The following THUMPD2 variants were observed in gnomAD, a reference collection of about 807,000 sequenced individuals.
The protein encoded by THUMPD2 is U6 snRNA (guanine-N(2))-methyltransferase THUMPD2.
A neutral mutation model predicts 49.4 loss-of-function variants in THUMPD2; 56 were observed. The ratio of observed to expected loss-of-function variants is 1.13; its 90% CI spans 0.91 to 1.41. The LOEUF (loss-of-function observed/expected upper bound fraction) is 1.41. THUMPD2 is among the 40% of genes most tolerant of loss of function. The probability of loss-of-function intolerance (pLI) is 0.00; values close to 1 mark genes in which losing one functional copy is unlikely to be tolerated. For synonymous variants in THUMPD2, 237 were observed against 205.2 expected (o/e 1.15, Z -1.32); for missense variants, 709 against 594.5 (o/e 1.19, Z -2.00).
At chr2:39,770,183 A>G in intron 2 of THUMPD2, 64 bp from the exon 3 acceptor site, 3 of 1,136,276 alleles carry the variant, frequency 2.6e-6, no homozygotes, top group Non-Finnish European at 3.5e-6. Flanking sequence ...TACAATCATC[A>G]CCCTCAAACT....
At chr2:39,768,594 T>A in intron 3 of THUMPD2, 93 bp from the exon 4 acceptor site, 6 of 1,025,340 alleles carry the variant, frequency 5.9e-6, no homozygotes, top group Admixed American at 2.3e-5. Context: ...TATAAGAAAA[T>A]CAAGTCAGGC....
chr2:39,772,657 C>G (rs1678487751), intron 1 of THUMPD2, among the ~76,000 whole-genome samples: 1 of 152,140 alleles, frequency 6.6e-6, no homozygotes, highest in Non-Finnish European at 1.5e-5. Context: ...AATCTTAACT[C>G]TTTTAGGGTC....
chr2:39,754,479 C>T (rs1439515824), intron 8 of THUMPD2, among the ~76,000 whole-genome samples: 1 of 152,104 alleles, frequency 6.6e-6, no homozygotes. Context: ...ATTTCTTAAA[C>T]GTATTTTATT....
In THUMPD2 at chr2:39,761,379, T is replaced by G. The variant is rs147366386; in HGVS notation, c.843A>C (p.Gly281=). The G allele has an allele frequency of 2.9e-5, 46 of 1,613,840 alleles. No homozygotes were observed. In the African/African-American group the frequency reaches 5.5e-4, roughly 19 times the overall value. The change falls in exon 6 of 10, where the codon GGA becomes GGC. Residue 281 remains glycine, a synonymous_variant. Transcript: ENST00000505747. The part of the protein sequence containing the change: ...LASRAYIKTA[G]LRSTIAWAMA... ...TTGCCCACGCTATTGTAGATCGCAGTCCAGCTGTCTTGATGTAAGCTCTGC... is the reference window on the plus strand; with the variant it reads ...TTGCCCACGCTATTGTAGATCGCAGGCCAGCTGTCTTGATGTAAGCTCTGC...
intron 5 of THUMPD2, among the ~76,000 whole-genome samples, chr2:39,763,468 A>G (rs1213614012): frequency 6.6e-6 from 1 of 152,160 alleles, no homozygotes; most frequent in Admixed American, 6.5e-5. Flanking sequence ...GTAACTTCAA[A>G]TATCTACTTG....
At position 39,736,135 on chromosome 2, in the gene THUMPD2, G is replaced by A. The variant is rs1267841610; in HGVS notation, c.*600C>T. The stretch of plus-strand genomic sequence containing the variant: ...CAAACTGACTTTCTATATAAATAAG[G>A]GCGAGGTGACAGTGTATGAATGCTT... On this transcript the variant is annotated 3_prime_UTR_variant, in exon 10 of 10. Transcript: ENST00000505747. 1.3e-5 allele frequency: 2 copies of A among 152,038 alleles called. No homozygotes were observed. The highest frequency in any genetic ancestry group is 2.1e-4 in the South Asian group (1 of 4,816). The allele number at this position is 152,038 out of a possible 1,614,324, so 9.4% of individuals were successfully genotyped here. A position where few individuals can be genotyped will look rare whatever the true frequency, so the allele number is the denominator to read the frequency against.
intron 3 of THUMPD2, chr2:39,769,088 C>T (rs1203544845): frequency 1.5e-6 from 2 of 1,304,156 alleles, no homozygotes; most frequent in South Asian, 1.2e-5. Flanking sequence ...ATCCCATGTA[C>T]AGGACCTGTG....
At chr2:39,757,286 A>G (rs563787658) in intron 6 of THUMPD2, 2 of 849,112 alleles carry the variant, frequency 2.4e-6, no homozygotes, top group South Asian at 2.8e-5. Flanking sequence ...ATAGGGGAGA[A>G]AAGACATCCA....
At chr2:39,776,660 G>A (rs1204393479) in intron 1 of THUMPD2, among the ~76,000 whole-genome samples, 1 of 152,036 alleles carries the variant, frequency 6.6e-6, no homozygotes, top group African/African-American at 2.4e-5. Context: ...CAAAGTGCTG[G>A]GATTACAGGC....
In THUMPD2 at chr2:39,736,405, T is replaced by C. The variant is rs538979949; in HGVS notation, c.*330A>G. On this transcript the variant is annotated 3_prime_UTR_variant, in exon 10 of 10. Coordinates refer to ENST00000505747, the MANE Select transcript of THUMPD2 (RefSeq NM_025264.5). ...GTTAAAATATCCCGTCTGGTGTTGA[T>C]TGTGATACACTTAAGTGAACCCCTG... The C allele has an allele frequency of 2.3e-4, 45 of 192,194 alleles. No homozygotes were observed. Among genetic ancestry groups the C allele is most frequent in the African/African-American group, 8.1e-4 (35 of 43,190 alleles). 11.9% of individuals were successfully genotyped at this position (192,194 alleles called of 1,614,324 possible). A position where few individuals can be genotyped will look rare whatever the true frequency, so the allele number is the denominator to read the frequency against.
intron 1 of THUMPD2, among the ~76,000 whole-genome samples, chr2:39,773,256 A>G (rs1032798104): frequency 1.3e-5 from 2 of 152,152 alleles, no homozygotes; most frequent in East Asian, 1.9e-4. Flanking sequence ...ACATAAGAAT[A>G]TAGTTGATAC....
intron 8 of THUMPD2, among the ~76,000 whole-genome samples, chr2:39,746,610 A>C (rs1674627489): frequency 6.6e-6 from 1 of 152,212 alleles, no homozygotes; most frequent in Non-Finnish European, 1.5e-5. Flanking sequence ...ATCTTTTTAC[A>C]TCTCTGCAGG....
chr2:39,768,785 T>C, intron 3 of THUMPD2: 1 of 812,720 alleles, frequency 1.2e-6, no homozygotes, highest in Non-Finnish European at 1.8e-6. Flanking sequence ...GATTATGACC[T>C]GATAAATATG....
At chr2:39,769,488 G>T in intron 3 of THUMPD2, 1 of 408,718 alleles carries the variant, frequency 2.4e-6, no homozygotes, top group Non-Finnish European at 4.2e-6. Flanking sequence ...GATCACTTGA[G>T]GTCAGGAGTT....
chr2:39,771,715 C>A, intron 1 of THUMPD2, 75 bp from the exon 2 acceptor site: 1 of 1,409,512 alleles, frequency 7.1e-7, no homozygotes, highest in East Asian at 2.4e-5. Context: ...CAAGATATAG[C>A]ATCTAAATTA....
At chr2:39,748,534 A>G (rs1180440516) in intron 8 of THUMPD2, among the ~76,000 whole-genome samples, 1 of 152,128 alleles carries the variant, frequency 6.6e-6, no homozygotes, top group East Asian at 1.9e-4. Context: ...AACCCCATAC[A>G]AAAATTAGCT....
chr2:39,744,146 A>G (rs1310761427), intron 9 of THUMPD2, among the ~76,000 whole-genome samples: 1 of 151,936 alleles, frequency 6.6e-6, no homozygotes, highest in Non-Finnish European at 1.5e-5. Flanking sequence ...ATCTCAGTAC[A>G]TAATAGAAAA....
At chr2:39,775,944 T>C (rs1377777465) in intron 1 of THUMPD2, among the ~76,000 whole-genome samples, 1 of 152,130 alleles carries the variant, frequency 6.6e-6, no homozygotes, top group Non-Finnish European at 1.5e-5. Context: ...AAAATTTATG[T>C]GGCCTATTCA....
At chr2:39,768,879 AG>A in intron 3 of THUMPD2, 1 of 1,292,494 alleles carries the variant, frequency 7.7e-7, no homozygotes. Flanking sequence ...AAAAATTATC[AG>A]ATTAGTATCA....
Sources: allele counts gnomAD v4.1 joint callset (sites outside exome capture counted in the v4.1 genomes callset), GRCh38; gene constraint gnomAD v4.1.1; transcripts MANE v1.5; gene names NCBI Gene and HGNC (gene_info 2026-07-23, HGNC 2026-07-21).